The following PCBP4 variants were observed in gnomAD, a reference collection of about 807,000 sequenced individuals.
The protein encoded by PCBP4 is poly(rC)-binding protein 4.
A neutral mutation model predicts 46.2 loss-of-function variants in PCBP4; 24 were observed. The ratio of observed to expected loss-of-function variants is 0.52; its 90% CI spans 0.38 to 0.73. PCBP4 has a LOEUF of 0.73. Among genes scored for constraint, PCBP4 ranks in the 30% least tolerant of loss-of-function variants. The pLI is 0.00. For synonymous variants in PCBP4, 203 were observed against 224.4 expected (o/e 0.90, Z 0.85); for missense variants, 407 against 537.0 (o/e 0.76, Z 2.39).
At chr3:51,961,681 C>G (rs1700187427) in intron 2 of PCBP4, 1 of 887,008 alleles carries the variant, frequency 1.1e-6, no homozygotes, top group Non-Finnish European at 1.4e-6. Context: ...AGCCTCCTCC[C>G]TGACCTCTTG....
intron 1 of PCBP4, among the ~76,000 whole-genome samples, chr3:51,965,017 C>T (rs189949516): frequency 7.1e-4 from 108 of 152,316 alleles, no homozygotes; most frequent in African/African-American, 2.5e-3. Context: ...TTAGGCAGCC[C>T]CCAGGAGTCT....
In PCBP4 at chr3:51,960,385, G is replaced by C. The variant is rs1267979867; in HGVS notation, c.256-65C>G. On this transcript the variant is annotated intron_variant, in intron 6 of 13. Coordinates refer to ENST00000461554, the MANE Select transcript of PCBP4 (RefSeq NM_001174100.2). This position sits in a 1 kb window ranked among gnomAD's most constrained non-coding sequence, Gnocchi z 5.0. The stretch of plus-strand genomic sequence containing the variant: ...GCTATATCTGCCCAGGGGTCAGGAG[G>C]GTACCCTTTCCCCAGTCCCACTTCA... 6.3e-7 allele frequency: 1 copy of C among 1,587,660 alleles called. No homozygotes were observed. The highest frequency in any genetic ancestry group is 1.3e-5 in the African/African-American group (1 of 74,482).
chr3:51,961,117 C>A (rs1442535823), intron 3 of PCBP4, 43 bp downstream of exon 3: 1 of 1,613,836 alleles, frequency 6.2e-7, no homozygotes, highest in African/African-American at 1.3e-5. Flanking sequence ...GAAACCCAGC[C>A]CAGCCCAGCC....
At position 51,964,814 on chromosome 3, in the gene PCBP4, G is replaced by A. The variant is rs973646767; in HGVS notation, c.-213+2512C>T. Among the ~76,000 whole-genome samples the A allele has an allele frequency of 2.7e-4, 41 of 152,118 alleles. 2 individuals are homozygous for A. Among genetic ancestry groups the A allele is most frequent in the East Asian group, 7.7e-4 (4 of 5,176 alleles). ...CAGCCTCTTGGCCTCCCAGCCTCCC[G>A]GGATAGCCAATCATCTACAGTTGGG... is the stretch of plus-strand genomic sequence containing the variant. On this transcript the variant is annotated intron_variant, in intron 1 of 13. Coordinates refer to ENST00000461554, the MANE Select transcript of PCBP4 (RefSeq NM_001174100.2).
chr3:51,958,244 AG>A lies in PCBP4; in HGVS notation c.1028del (p.Pro343LeufsTer65). ...TGGCATAGGGTGTGCCCAGCAGGCC[AG>A]GGGGAGCTGTGGGCAGGGCCGTCAG... ...PPLTALPTAPPGLLGTPYAIS... is the reference protein window; with the variant it reads ...PPLTALPTAPXGLLGTPYAIS... On this transcript the variant is annotated frameshift_variant, in exon 14 of 14. Coordinates refer to ENST00000461554, the MANE Select transcript of PCBP4 (RefSeq NM_001174100.2). LOFTEE classifies it high-confidence loss of function. This position sits in a 1 kb window ranked among gnomAD's most constrained non-coding sequence, Gnocchi z 5.4. 2 of 1,604,160 alleles carry A rather than the reference AG, an allele frequency of 1.2e-6. No individual in the cohort carries two copies. Among genetic ancestry groups the A allele is most frequent in the Non-Finnish European group, 1.7e-6 (2 of 1,175,624 alleles).
At chr3:51,965,044 C>G (rs1700355836) in intron 1 of PCBP4, among the ~76,000 whole-genome samples, 2 of 152,210 alleles carry the variant, frequency 1.3e-5, no homozygotes, top group African/African-American at 4.8e-5. Flanking sequence ...CCAAGGGAAA[C>G]CAAGTCAAGC....
At position 51,960,073 on chromosome 3, in the gene PCBP4, A is replaced by G. The variant is rs1700071691; in HGVS notation, c.388-50T>C. On this transcript the variant is annotated intron_variant, in intron 7 of 13. Transcript: ENST00000461554. This position sits in a 1 kb window ranked among gnomAD's most constrained non-coding sequence, Gnocchi z 5.0. ...TTCTGGCTGCTCCCATAACCCAGAAAAGGGCTGCCCAGGCTCAGAGCTCTC... is the reference window on the plus strand; with the variant it reads ...TTCTGGCTGCTCCCATAACCCAGAAGAGGGCTGCCCAGGCTCAGAGCTCTC... 1 of 1,614,164 alleles carries G rather than the reference A, an allele frequency of 6.2e-7. No homozygotes were observed. The highest frequency in any genetic ancestry group is 8.5e-7 in the Non-Finnish European group (1 of 1,180,018).
chr3:51,960,168 G>A lies in PCBP4; in HGVS notation c.387+21C>T. On this transcript the variant is annotated intron_variant, in intron 7 of 13. Transcript: ENST00000461554. The surrounding 1 kb of genome is among the most constrained non-coding windows in gnomAD (Gnocchi z 5.0). ...CTCCCTTGCCCCGGATTCCCTGTGG[G>A]TGGTATATCTCGCCCCTCACCTCTC... 2 of 1,614,120 alleles carry A rather than the reference G, an allele frequency of 1.2e-6. No individual in the cohort carries two copies. Among genetic ancestry groups the A allele is most frequent in the Non-Finnish European group, 1.7e-6 (2 of 1,180,034 alleles).
In PCBP4 at chr3:51,959,545, A is replaced by G; in HGVS notation, c.591+32T>C. The G allele has an allele frequency of 6.5e-7, 1 of 1,542,694 alleles. No individual in the cohort carries two copies. On this transcript the variant is annotated intron_variant, in intron 9 of 13. Transcript: ENST00000461554. The surrounding 1 kb of genome is among the most constrained non-coding windows in gnomAD (Gnocchi z 5.6). ...CTATCTCAATCCCCCTTCTCCAGTA[A>G]TGTGTCCCACTGCTCCTGTTGTTCC...
rs774406552 is a variant in PCBP4, at chr3:51,960,193, C to T, written c.383G>A (p.Arg128Gln). 16 of 1,614,032 alleles carry T rather than the reference C, an allele frequency of 9.9e-6. No individual in the cohort carries two copies. The highest frequency in any genetic ancestry group is 2.7e-5 in the African/African-American group (2 of 74,950). ...GKAGTKIKEI[R>Q]ETTGAQVQVA... is the part of the protein sequence containing the mutation. ...GTGGTATATCTCGCCCCTCACCTCT[C>T]GGATCTCCTTGATCTTGGTGCCAGC... Residue 128 changes from arginine (R) to glutamine (Q), a missense_variant, in exon 7 of 14, where the codon CGA becomes CAA. By Grantham distance (43) the Arg-to-Gln change is conservative. Coordinates refer to ENST00000461554, the MANE Select transcript of PCBP4 (RefSeq NM_001174100.2). The surrounding 1 kb of genome is among the most constrained non-coding windows in gnomAD (Gnocchi z 5.0).
Position 51,960,600 on chromosome 3 carries a change from GT to G in PCBP4, c.180del (p.Glu60AspfsTer19), listed in dbSNP as rs1350882347. The G allele has an allele frequency of 2.5e-6, 4 of 1,614,064 alleles. No individual in the cohort carries two copies. Among genetic ancestry groups the G allele is most frequent in the Non-Finnish European group, 3.4e-6 (4 of 1,180,006 alleles). ...RITISEGSCP[E>X]RITTITGSTA... ...GTAGACCCGGTGATGGTGGTGATGCGTTCAGGGCAGGAGCCCTCGGAGATGG... is the reference window on the plus strand; with the variant it reads ...GTAGACCCGGTGATGGTGGTGATGCGTCAGGGCAGGAGCCCTCGGAGATGG... On this transcript the variant is annotated frameshift_variant, in exon 6 of 14. Coordinates refer to ENST00000461554, the MANE Select transcript of PCBP4 (RefSeq NM_001174100.2). LOFTEE classifies it high-confidence loss of function. The surrounding 1 kb of genome is among the most constrained non-coding windows in gnomAD (Gnocchi z 5.0).
intron 2 of PCBP4, chr3:51,961,660 G>A: frequency 1.5e-6 from 1 of 647,842 alleles, no homozygotes; most frequent in Non-Finnish European, 1.9e-6. Flanking sequence ...GCCTATGGGA[G>A]TCAGGAGGAG....
Position 51,959,543 on chromosome 3 carries a change from T to C in PCBP4, c.591+34A>G, listed in dbSNP as rs772224110. ...CTCTATCTCAATCCCCCTTCTCCAG[T>C]AATGTGTCCCACTGCTCCTGTTGTT... is the stretch of plus-strand genomic sequence containing the variant. On this transcript the variant is annotated intron_variant, in intron 9 of 13. Transcript: ENST00000461554. The surrounding 1 kb of genome is among the most constrained non-coding windows in gnomAD (Gnocchi z 5.6). 2.6e-6 allele frequency: 4 copies of C among 1,540,630 alleles called. No homozygotes were observed. In the Admixed American group the frequency reaches 7.9e-5, roughly 30 times the overall value.
chr3:51,963,869 A>G (rs963030409), intron 1 of PCBP4, among the ~76,000 whole-genome samples: 11 of 152,138 alleles, frequency 7.2e-5, no homozygotes, highest in Non-Finnish European at 1.6e-4. Flanking sequence ...TTATTCTCCT[A>G]GGGCCCAAGG....
At position 51,957,905 on chromosome 3, in the gene PCBP4, A is replaced by T; in HGVS notation, c.*156T>A. Reference sequence around the variant, plus strand: ...AAACTGCCCCCACTCTGAGAGAAAGAACTCCCATAGATGGAGGCAGGGTAG... The same window carrying T: ...AAACTGCCCCCACTCTGAGAGAAAGTACTCCCATAGATGGAGGCAGGGTAG... On this transcript the variant is annotated 3_prime_UTR_variant, in exon 14 of 14. Coordinates refer to ENST00000461554, the MANE Select transcript of PCBP4 (RefSeq NM_001174100.2). 1 of 643,004 alleles carries T rather than the reference A, an allele frequency of 1.6e-6. No homozygotes were observed. The highest frequency in any genetic ancestry group is 2.5e-6 in the Non-Finnish European group (1 of 397,146). 39.8% of individuals were successfully genotyped at this position (643,004 alleles called of 1,614,324 possible).
intron 2 of PCBP4, 64 bp downstream of exon 2, chr3:51,961,877 G>T: frequency 3.0e-6 from 1 of 334,718 alleles, no homozygotes; most frequent in Non-Finnish European, 4.3e-6. Context: ...GTCAGGTCTT[G>T]CCACTGCCTG....
Position 51,958,698 on chromosome 3 carries a change from A to C in PCBP4, c.923+92T>G. The C allele has an allele frequency of 7.0e-7, 1 of 1,420,712 alleles. No homozygotes were observed. Among genetic ancestry groups the C allele is most frequent in the Non-Finnish European group, 9.6e-7 (1 of 1,044,824 alleles). 88.0% of individuals were successfully genotyped at this position (1,420,712 alleles called of 1,614,324 possible). A position where few individuals can be genotyped will look rare whatever the true frequency, so the allele number is the denominator to read the frequency against. ...AGGCAGAGGTCGGGCCCAGACAGAGAGAGGAGGCCAGCTTCCTCTCCCCAC... is the reference window on the plus strand; with the variant it reads ...AGGCAGAGGTCGGGCCCAGACAGAGCGAGGAGGCCAGCTTCCTCTCCCCAC... On this transcript the variant is annotated intron_variant, in intron 13 of 13. Coordinates refer to ENST00000461554, the MANE Select transcript of PCBP4 (RefSeq NM_001174100.2). The surrounding 1 kb of genome is among the most constrained non-coding windows in gnomAD (Gnocchi z 5.4).
rs369638690 is a variant in PCBP4 at position 51,960,671 on chromosome 3, C to T, written c.139-29G>A. The stretch of plus-strand genomic sequence containing the variant: ...CAGATATAGAATGAGCGCCGGGCAG[C>T]GGGGCATCTTCCCTGCTCCCTTGCC... On this transcript the variant is annotated intron_variant, in intron 5 of 13. Transcript: ENST00000461554. This position sits in a 1 kb window ranked among gnomAD's most constrained non-coding sequence, Gnocchi z 5.0. 38 of 1,569,012 alleles carry T rather than the reference C, an allele frequency of 2.4e-5. No homozygotes were observed. The Middle Eastern group carries it at 1.3e-3, about 55-fold the overall frequency.
rs1699998341 is a variant in PCBP4, at chr3:51,959,077, G to A, written c.723C>T (p.Thr241=). ...TGGGAACCAAGAACTCCTGTGAGCTGGTCTGTGTGCCGGGATCCAGTCCTG... is the reference window on the plus strand; with the variant it reads ...TGGGAACCAAGAACTCCTGTGAGCTAGTCTGTGTGCCGGGATCCAGTCCTG... The part of the protein sequence containing the change: ...VVPGLDPGTQ[T]SSQEFLVPND... Residue 241 remains threonine (T), a synonymous_variant, in exon 12 of 14, where the codon ACC becomes ACT. Transcript: ENST00000461554. This position sits in a 1 kb window ranked among gnomAD's most constrained non-coding sequence, Gnocchi z 5.6. 1 of 1,613,806 alleles carries A rather than the reference G, an allele frequency of 6.2e-7. No individual in the cohort carries two copies. Among genetic ancestry groups the A allele is most frequent in the South Asian group, 1.1e-5 (1 of 91,060 alleles).
Sources: gnomAD v4.1 joint callset for allele counts (sites outside exome capture counted in the v4.1 genomes callset) on GRCh38, gnomAD v4.1.1 for gene constraint, Gnocchi (gnomAD v3.1) non-coding constraint, MANE v1.5 for transcripts, NCBI Gene and HGNC (gene_info 2026-07-23, HGNC 2026-07-21) for gene names.